Variants in FAM204A observed in about 807,000 individuals in gnomAD.
FAM204A encodes protein FAM204A.
Under a neutral mutation model 35.4 loss-of-function variants are expected in FAM204A, and 16 were observed. The observed-to-expected ratio is 0.45, with a 90% confidence interval of 0.31 to 0.69. The LOEUF (loss-of-function observed/expected upper bound fraction) is 0.69, where lower values mean the gene tolerates loss of function less well. FAM204A is among the 30% of genes least tolerant of loss of function. The probability of loss-of-function intolerance (pLI) is 0.07; values close to 1 mark genes in which losing one functional copy is unlikely to be tolerated. For missense variants in FAM204A, 240 were observed against 265.7 expected, an observed-to-expected ratio of 0.90 and a Z score of 0.67; for synonymous variants, 76 against 86.9, an observed-to-expected ratio of 0.88 and a Z score of 0.70.
At chr10:118,324,612 T>C (rs1846169230) in intron 7 of FAM204A, among the ~76,000 whole-genome samples, 1 of 152,146 alleles carries the variant, frequency 6.6e-6, no homozygotes, top group African/African-American at 2.4e-5. Context: ...TATTAAATAA[T>C]TCCCCTTATA....
intron 7 of FAM204A, among the ~76,000 whole-genome samples, chr10:118,319,759 AATATT>A (rs1370173055): frequency 6.6e-6 from 1 of 151,922 alleles, no homozygotes; most frequent in Non-Finnish European, 1.5e-5. Flanking sequence ...CTGAGATGTA[AATATT>A]ATATTAAATG....
intron 7 of FAM204A, among the ~76,000 whole-genome samples, chr10:118,324,588 T>C (rs1447362220): frequency 1.3e-5 from 2 of 152,160 alleles, no homozygotes; most frequent in South Asian, 2.1e-4. Flanking sequence ...ATATGCCAGA[T>C]GCAAATGGAC....
At chr10:118,312,312 G>A (rs1428638723) in intron 7 of FAM204A, among the ~76,000 whole-genome samples, 4 of 152,100 alleles carry the variant, frequency 2.6e-5, no homozygotes, top group African/African-American at 7.2e-5. Flanking sequence ...AGGCAGACTT[G>A]TAAAAAAGAA....
rs994114959 is a variant in FAM204A, at chr10:118,299,906, T to A, written c.*10951A>T. Reference sequence around the variant, plus strand: ...TTGAAAACCACAATTCTGCTATCAATAGGAATCTAAAATACTTGAATTGCT... The same window carrying A: ...TTGAAAACCACAATTCTGCTATCAAAAGGAATCTAAAATACTTGAATTGCT... On this transcript the variant is annotated 3_prime_UTR_variant, in exon 9 of 9. Coordinates refer to ENST00000369183, the MANE Select transcript of FAM204A (RefSeq NM_022063.3). 2 of 152,360 alleles carry A rather than the reference T, an allele frequency of 1.3e-5. No homozygotes were observed. The highest frequency in any genetic ancestry group is 2.9e-5 in the Non-Finnish European group (2 of 68,040). The allele number at this position is 152,360 out of a possible 1,614,324, so 9.4% of individuals were successfully genotyped here.
chr10:118,310,622 T>G lies in FAM204A; in HGVS notation c.*235A>C, dbSNP rs1845938146. On this transcript the variant is annotated 3_prime_UTR_variant, in exon 9 of 9. Coordinates refer to ENST00000369183, the MANE Select transcript of FAM204A (RefSeq NM_022063.3). ...ATAAACAAAATCCTATCCTCTTCTT[T>G]CTATATTTTTTTTCTTACATTTCTT... The G allele has an allele frequency of 2.0e-6, 1 of 489,462 alleles. No homozygotes were observed. Among genetic ancestry groups the G allele is most frequent in the African/African-American group, 2.0e-5 (1 of 49,066 alleles). 30.3% of individuals were successfully genotyped at this position (489,462 alleles called of 1,614,324 possible). A position where few individuals can be genotyped will look rare whatever the true frequency, so the allele number is the denominator to read the frequency against.
chr10:118,336,087 C>T (rs1234701126), intron 3 of FAM204A, 95 bp downstream of exon 3: 1 of 1,424,548 alleles, frequency 7.0e-7, no homozygotes, highest in African/African-American at 1.4e-5. Context: ...CCTGTTAAGT[C>T]CCAAGAATAC....
intron 2 of FAM204A, 144 bp from the exon 3 acceptor site, chr10:118,336,567 G>A (rs1846391384): frequency 1.6e-6 from 1 of 634,774 alleles, no homozygotes; most frequent in Non-Finnish European, 2.5e-6. Flanking sequence ...ATCTAAAATG[G>A]CATAGAATGA....
chr10:118,325,840 T>C (rs1395327377), intron 7 of FAM204A, among the ~76,000 whole-genome samples: 1 of 152,048 alleles, frequency 6.6e-6, no homozygotes, highest in Non-Finnish European at 1.5e-5. Context: ...GAGTTAAAGA[T>C]GCAAACGGAA....
intron 7 of FAM204A, among the ~76,000 whole-genome samples, chr10:118,322,879 A>G (rs1269635301): frequency 6.6e-6 from 1 of 152,118 alleles, no homozygotes; most frequent in Non-Finnish European, 1.5e-5. Flanking sequence ...GGAACATAGA[A>G]CCTGCAGTAA....
At chr10:118,336,032 C>T (rs1846380225) in intron 3 of FAM204A, 150 bp downstream of exon 3, 1 of 832,948 alleles carries the variant, frequency 1.2e-6, no homozygotes, top group Non-Finnish European at 1.8e-6. Context: ...TCTAAGTGGC[C>T]GATGCCTCAG....
chr10:118,300,522 G>A lies in FAM204A; in HGVS notation c.*10335C>T, dbSNP rs1047587930. Reference sequence around the variant, plus strand: ...GTAGCCTAGGGCACTGATTAACATTGGCTGAACACATATTATATGCTAGGA... The same window carrying A: ...GTAGCCTAGGGCACTGATTAACATTAGCTGAACACATATTATATGCTAGGA... On this transcript the variant is annotated 3_prime_UTR_variant, in exon 9 of 9. Transcript: ENST00000369183. The A allele has an allele frequency of 2.0e-5, 3 of 152,080 alleles. No individual in the cohort carries two copies. The highest frequency in any genetic ancestry group is 6.5e-5 in the Admixed American group (1 of 15,270). The allele number at this position is 152,080 out of a possible 1,614,324, so 9.4% of individuals were successfully genotyped here.
chr10:118,327,751 C>A (rs537935749), intron 6 of FAM204A, among the ~76,000 whole-genome samples: 18 of 152,144 alleles, frequency 1.2e-4, no homozygotes, highest in Admixed American at 2.0e-4. Flanking sequence ...TTTTGGTCCA[C>A]GTAAAGATAA....
In FAM204A at chr10:118,310,731, A is replaced by G; in HGVS notation, c.*126T>C. 1 of 799,364 alleles carries G rather than the reference A, an allele frequency of 1.3e-6. No individual in the cohort carries two copies. Among genetic ancestry groups the G allele is most frequent in the Non-Finnish European group, 2.0e-6 (1 of 488,240 alleles). The allele number at this position is 799,364 out of a possible 1,614,324, so 49.5% of individuals were successfully genotyped here. Reference sequence around the variant, plus strand: ...AGACTGAAAAGAGCTGATAATCAAAATCCCAAATTTTATGCTTATTTTTGT... The same window carrying G: ...AGACTGAAAAGAGCTGATAATCAAAGTCCCAAATTTTATGCTTATTTTTGT... On this transcript the variant is annotated 3_prime_UTR_variant, in exon 9 of 9. Coordinates refer to ENST00000369183, the MANE Select transcript of FAM204A (RefSeq NM_022063.3).
At chr10:118,324,849 T>C (rs1846173217) in intron 7 of FAM204A, among the ~76,000 whole-genome samples, 1 of 152,146 alleles carries the variant, frequency 6.6e-6, no homozygotes, top group Non-Finnish European at 1.5e-5. Context: ...TTATGTACAT[T>C]TTACAATTTA....
intron 7 of FAM204A, among the ~76,000 whole-genome samples, chr10:118,322,113 T>C (rs939002545): frequency 6.6e-6 from 1 of 152,082 alleles, no homozygotes; most frequent in South Asian, 2.1e-4. Flanking sequence ...AGATCAAAAG[T>C]CATTTGGCAG....
At chr10:118,317,336 T>C (rs902770853) in intron 7 of FAM204A, among the ~76,000 whole-genome samples, 3 of 152,086 alleles carry the variant, frequency 2.0e-5, no homozygotes, top group Non-Finnish European at 4.4e-5. Flanking sequence ...TGCTGATTAA[T>C]TGAACTGCAG....
At chr10:118,320,014 TAAC>T (rs1846086937) in intron 7 of FAM204A, among the ~76,000 whole-genome samples, 1 of 151,924 alleles carries the variant, frequency 6.6e-6, no homozygotes, top group Non-Finnish European at 1.5e-5. Context: ...TATATAGGTA[TAAC>T]TGAAATCAAC....
In FAM204A at chr10:118,303,336, T is replaced by A. The variant is rs1416490521; in HGVS notation, c.*7521A>T. 1 of 152,234 alleles carries A rather than the reference T, an allele frequency of 6.6e-6. No homozygotes were observed. The highest frequency in any genetic ancestry group is 2.4e-5 in the African/African-American group (1 of 41,454). 9.4% of individuals were successfully genotyped at this position (152,234 alleles called of 1,614,324 possible). Reference sequence around the variant, plus strand: ...TAACAATGAATCCTCAAAGTGTTTTTAAAAAATTTACAGAACAATAACAGT... The same window carrying A: ...TAACAATGAATCCTCAAAGTGTTTTAAAAAAATTTACAGAACAATAACAGT... On this transcript the variant is annotated 3_prime_UTR_variant, in exon 9 of 9. Transcript: ENST00000369183.
In FAM204A at chr10:118,309,988, T is replaced by C. The variant is rs2119788388; in HGVS notation, c.*869A>G. ...ACAAAAATTAACAAATTGCTTTTAC[T>C]ATGCAACTCTGAAATATCAAGTCTG... On this transcript the variant is annotated 3_prime_UTR_variant, in exon 9 of 9. Coordinates refer to ENST00000369183, the MANE Select transcript of FAM204A (RefSeq NM_022063.3). 6.6e-6 allele frequency: 1 copy of C among 152,260 alleles called. No homozygotes were observed. The highest frequency in any genetic ancestry group is 3.4e-3 in the Middle Eastern group (1 of 292). 9.4% of individuals were successfully genotyped at this position (152,260 alleles called of 1,614,324 possible). A position where few individuals can be genotyped will look rare whatever the true frequency, so the allele number is the denominator to read the frequency against.
Sources: allele counts gnomAD v4.1 joint callset (sites outside exome capture counted in the v4.1 genomes callset), GRCh38; gene constraint gnomAD v4.1.1; transcripts MANE v1.5; gene names NCBI Gene and HGNC (gene_info 2026-07-23, HGNC 2026-07-21).